Variants in TRRAP observed in about 807,000 individuals in gnomAD.
TRRAP encodes the protein transformation/transcription domain associated protein.
In TRRAP, 41 loss-of-function variants were observed where a neutral mutation model predicts 438.8. That is an observed-to-expected ratio of 0.09 (90% confidence interval 0.07 to 0.12). The LOEUF is 0.12. TRRAP is among the 10% of genes least tolerant of loss of function. TRRAP has a pLI of 1.00. For synonymous variants in TRRAP, 1,994 were observed against 1,962.9 expected (o/e 1.02, Z -0.42); for missense variants, 3,122 against 5,055.1 (o/e 0.62, Z 11.60).
chr7:99,005,415 C>G lies in TRRAP; in HGVS notation c.10753+67C>G. On this transcript the variant is annotated intron_variant, in intron 69 of 72. Coordinates refer to ENST00000456197, the MANE Select transcript of TRRAP (RefSeq NM_001375524.1). This position sits in a 1 kb window ranked among gnomAD's most constrained non-coding sequence, Gnocchi z 5.1. ...TCACAGGTGGGGATGAGAGCCACACCTCGTGGGGTGCACAGGCAGCTCACG... is the reference window on the plus strand; with the variant it reads ...TCACAGGTGGGGATGAGAGCCACACGTCGTGGGGTGCACAGGCAGCTCACG... 6.7e-7 allele frequency: 1 copy of G among 1,492,688 alleles called. No homozygotes were observed. The highest frequency in any genetic ancestry group is 9.3e-7 in the Non-Finnish European group (1 of 1,073,286). 92.5% of individuals were successfully genotyped at this position (1,492,688 alleles called of 1,614,324 possible).
intron 3 of TRRAP, among the ~76,000 whole-genome samples, chr7:98,889,116 C>T (rs1009790249): frequency 4.0e-5 from 6 of 149,964 alleles, no homozygotes; most frequent in African/African-American, 1.5e-4. Context: ...TTCCTGGGCT[C>T]CAGTGATCCT....
intron 47 of TRRAP, among the ~76,000 whole-genome samples, chr7:98,964,357 A>T (rs1036641407): frequency 6.6e-6 from 1 of 152,228 alleles, no homozygotes; most frequent in African/African-American, 2.4e-5. Context: ...TCACCCAAAA[A>T]TAAAATGCAG....
chr7:98,959,523 G>A (rs367980642), intron 45 of TRRAP, 33 bp downstream of exon 45: 30 of 1,597,652 alleles, frequency 1.9e-5, no homozygotes, highest in Middle Eastern at 1.7e-4. Context: ...CCAGGGCAGC[G>A]CCACCGAGGC....
intron 30 of TRRAP, among the ~76,000 whole-genome samples, chr7:98,941,003 C>G (rs1000855314): frequency 1.6e-4 from 25 of 152,244 alleles, no homozygotes; most frequent in African/African-American, 6.0e-4. Flanking sequence ...ATTTACCTTT[C>G]TTTAAGAGTT....
At chr7:98,989,240 C>G (rs1793281832) in intron 63 of TRRAP, among the ~76,000 whole-genome samples, 2 of 152,228 alleles carry the variant, frequency 1.3e-5, no homozygotes, top group South Asian at 4.1e-4. Context: ...TCACACGAAA[C>G]AGAGGGCTGA....
chr7:99,000,420 A>G (rs1474572442), intron 67 of TRRAP, among the ~76,000 whole-genome samples: 1 of 152,250 alleles, frequency 6.6e-6, no homozygotes, highest in Non-Finnish European at 1.5e-5. Flanking sequence ...TACTACATAT[A>G]CTATGGAAAT....
At chr7:98,961,047 G>GT (rs1791869824) in intron 45 of TRRAP, among the ~76,000 whole-genome samples, 1 of 152,078 alleles carries the variant, frequency 6.6e-6, no homozygotes, top group Admixed American at 6.5e-5. Context: ...TAATATTTTA[G>GT]TAAGTATTTT....
At chr7:98,972,098 A>G (rs571078002) in intron 53 of TRRAP, among the ~76,000 whole-genome samples, 153 bp downstream of exon 53, 177 of 152,322 alleles carry the variant, frequency 1.2e-3, no homozygotes, top group Non-Finnish European at 2.0e-3. Flanking sequence ...CCTGCAGTCT[A>G]GTGGCGCAGT....
At chr7:98,903,211 G>A (rs1037602609) in intron 11 of TRRAP, among the ~76,000 whole-genome samples, 168 bp from the exon 12 acceptor site, 7 of 152,154 alleles carry the variant, frequency 4.6e-5, no homozygotes, top group African/African-American at 1.7e-4. Context: ...TAGTAGAGAT[G>A]GGGTTTCACC....
chr7:98,953,533 C>A, intron 40 of TRRAP, 100 bp downstream of exon 40: 1 of 1,486,334 alleles, frequency 6.7e-7, no homozygotes, highest in South Asian at 1.3e-5. Context: ...TGTCTTCTCC[C>A]AAAACCAATA....
intron 67 of TRRAP, chr7:98,999,367 G>A: frequency 2.2e-6 from 3 of 1,394,746 alleles, no homozygotes; most frequent in South Asian, 1.2e-5. Flanking sequence ...TCCACATCCT[G>A]CACAGCTCTC....
chr7:99,005,069 C>T lies in TRRAP; in HGVS notation c.10536-62C>T. ...ACAGTTCGGACATTCCTAGCTTCTT[C>T]TCAAGACAAGGACTGGTAGCAGAGA... On this transcript the variant is annotated intron_variant, in intron 68 of 72. Transcript: ENST00000456197. This position sits in a 1 kb window ranked among gnomAD's most constrained non-coding sequence, Gnocchi z 5.1. 1 of 1,549,902 alleles carries T rather than the reference C, an allele frequency of 6.5e-7. No individual in the cohort carries two copies. Among genetic ancestry groups the T allele is most frequent in the Non-Finnish European group, 8.9e-7 (1 of 1,127,550 alleles).
chr7:98,921,758 G>C lies in TRRAP; in HGVS notation c.2628G>C (p.Leu876=). Residue 876 remains leucine, a synonymous_variant, in exon 21 of 73, where the codon CTG becomes CTC. Coordinates refer to ENST00000456197, the MANE Select transcript of TRRAP (RefSeq NM_001375524.1). ...GAAAGCACGCTGATTTTCAGGCTCT[G>C]TGGCGCACCTTACGCAACCCTGCTG... ...QPVRAELMQA[L]WRTLRNPADS... The C allele has an allele frequency of 1.2e-6, 2 of 1,614,106 alleles. No individual in the cohort carries two copies.
At chr7:98,938,568 T>TAC (rs142105962) in intron 30 of TRRAP, among the ~76,000 whole-genome samples, 4 of 151,896 alleles carry the variant, frequency 2.6e-5, no homozygotes, top group Admixed American at 1.3e-4. Flanking sequence ...AATATATATA[T>TAC]ACACAGTCCT....
In TRRAP at chr7:98,948,984, G is replaced by C. The variant is rs1554417512; in HGVS notation, c.4788+299G>C. ...CTAAGGGCCCACACCTGTAATCCCA[G>C]CACTTCGGGAAACTGAGGCAGGTGG... is the stretch of plus-strand genomic sequence containing the variant. On this transcript the variant is annotated intron_variant, in intron 35 of 72. Transcript: ENST00000456197. This position sits in a 1 kb window ranked among gnomAD's most constrained non-coding sequence, Gnocchi z 4.9. Among the ~76,000 whole-genome samples the C allele has an allele frequency of 6.6e-6, 1 of 152,198 alleles. No homozygotes were observed. The highest frequency in any genetic ancestry group is 1.9e-4 in the East Asian group (1 of 5,192).
intron 53 of TRRAP, among the ~76,000 whole-genome samples, chr7:98,972,660 G>T (rs1013173082): frequency 1.3e-5 from 2 of 152,180 alleles, no homozygotes; most frequent in African/African-American, 4.8e-5. Context: ...TTGAAGCTCC[G>T]TGTACCAGGT....
At chr7:98,987,143 C>T (rs1004457667) in intron 62 of TRRAP, among the ~76,000 whole-genome samples, 5 of 152,216 alleles carry the variant, frequency 3.3e-5, no homozygotes, top group African/African-American at 9.6e-5. Flanking sequence ...AACAAAAATC[C>T]GTTGACCATT....
At chr7:98,996,654 A>G (rs542729091) in intron 67 of TRRAP, among the ~76,000 whole-genome samples, 6 of 152,328 alleles carry the variant, frequency 3.9e-5, no homozygotes, top group African/African-American at 1.4e-4. Flanking sequence ...ATTAACTTCA[A>G]TTTTTATACA....
intron 30 of TRRAP, among the ~76,000 whole-genome samples, chr7:98,940,035 C>A (rs1031721429): frequency 2.6e-5 from 4 of 152,026 alleles, no homozygotes; most frequent in Non-Finnish European, 5.9e-5. Flanking sequence ...GTGTCTGCCA[C>A]CACACCCAGC....
Sources: gnomAD v4.1 joint callset for allele counts (sites outside exome capture counted in the v4.1 genomes callset) on GRCh38, gnomAD v4.1.1 for gene constraint, Gnocchi (gnomAD v3.1) non-coding constraint, MANE v1.5 for transcripts, NCBI Gene and HGNC (gene_info 2026-07-23, HGNC 2026-07-21) for gene names.